TOMM40: variants seen among roughly 807,000 people sequenced by gnomAD.
TOMM40 encodes translocase of outer mitochondrial membrane 40.
TOMM40 carries 9 observed loss-of-function variants against 38.4 expected under a neutral mutation model. The ratio of observed to expected loss-of-function variants is 0.23; its 90% confidence interval spans 0.14 to 0.41. The LOEUF is 0.41. Among genes scored for constraint, TOMM40 ranks in the 10% least tolerant of loss-of-function variants. TOMM40 has a pLI of 1.00. For missense variants in TOMM40, 299 were observed against 486.5 expected (o/e 0.61, Z 3.63); for synonymous variants, 184 against 210.0 (o/e 0.88, Z 1.07).
intron 5 of TOMM40, among the ~76,000 whole-genome samples, chr19:44,898,525 C>CTTTTTTTTTTTTTTTTTTTT (rs71173106): frequency 2.2e-5 from 2 of 88,990 alleles, no homozygotes; most frequent in Admixed American, 1.4e-4. Flanking sequence ...TTTTTTTTTT[C>CTTTTTTTTTTTTTTTTTTTT]TTTTTTTTTT....
Position 44,893,767 on chromosome 19 carries a change from C to CT in TOMM40, c.436-12dup, listed in dbSNP as rs772523140. 1 of 1,610,762 alleles carries CT rather than the reference C, an allele frequency of 6.2e-7. No individual in the cohort carries two copies. ...CACCACCTCTGACCCCTTCCGTTCTCTCTGCCTCACAGGCGTTCCCTGTAC... is the reference window on the plus strand; with the variant it reads ...CACCACCTCTGACCCCTTCCGTTCTCTTCTGCCTCACAGGCGTTCCCTGTAC... On this transcript the variant is annotated splice_polypyrimidine_tract_variant and intron_variant, in intron 3 of 8. Transcript: ENST00000426677.
Position 44,903,421 on chromosome 19 carries a change from T to A in TOMM40, c.*252T>A. ...GGGGTCCCGGGAGGGATTCCGGAAT[T>A]GAGGGGCACGCAGGATTCTGAGCAC... On this transcript the variant is annotated 3_prime_UTR_variant, in exon 9 of 9. Coordinates refer to ENST00000426677, the MANE Select transcript of TOMM40 (RefSeq NM_001128917.2). The A allele has an allele frequency of 2.5e-6, 1 of 402,728 alleles. No individual in the cohort carries two copies. Among genetic ancestry groups the A allele is most frequent in the African/African-American group, 2.1e-5 (1 of 47,578 alleles). The allele number at this position is 402,728 out of a possible 1,614,324, so 24.9% of individuals were successfully genotyped here. A position where few individuals can be genotyped will look rare whatever the true frequency, so the allele number is the denominator to read the frequency against.
intron 5 of TOMM40, among the ~76,000 whole-genome samples, chr19:44,896,087 G>T (rs75687619): frequency 0.027 from 4,111 of 152,270 alleles, 59 homozygotes; most frequent in African/African-American, 0.042. Flanking sequence ...TCTTCACGGC[G>T]CCAGCAACCC....
At chr19:44,899,791 C>CTTTTTTTTTTTTT (rs10524523) in intron 5 of TOMM40, among the ~76,000 whole-genome samples, 10 of 90,984 alleles carry the variant, frequency 1.1e-4, no homozygotes, top group South Asian at 4.6e-4. Flanking sequence ...TTGCATCTGG[C>CTTTTTTTTTTTTT]TTTTTTTTTT....
intron 5 of TOMM40, among the ~76,000 whole-genome samples, chr19:44,898,200 C>T (rs1357459231): frequency 2.0e-5 from 3 of 152,214 alleles, no homozygotes; most frequent in Non-Finnish European, 4.4e-5. Flanking sequence ...GGCCCCTATT[C>T]CTGCAGCTCC....
chr19:44,900,708 C>T (rs1293318432), intron 5 of TOMM40, 22 bp from the exon 6 acceptor site: 4 of 1,611,982 alleles, frequency 2.5e-6, no homozygotes, highest in Non-Finnish European at 3.4e-6. Context: ...TGGGTGGAAA[C>T]TGATCGTCAT....
chr19:44,891,805 G>A lies in TOMM40; in HGVS notation c.274+116G>A, dbSNP rs1969472318. 1.2e-5 allele frequency: 13 copies of A among 1,127,638 alleles called. No individual in the cohort carries two copies. The East Asian group carries it at 4.1e-4, about 36-fold the overall frequency. 69.9% of individuals were successfully genotyped at this position (1,127,638 alleles called of 1,614,324 possible). ...CATTGGAATTATTTAACAGCACTAG[G>A]AGGTGATGTTGGGATCGAATGGTGG... is the stretch of plus-strand genomic sequence containing the variant. On this transcript the variant is annotated intron_variant, in intron 1 of 8. Transcript: ENST00000426677.
chr19:44,900,584 G>T, intron 5 of TOMM40, 146 bp from the exon 6 acceptor site: 2 of 1,475,716 alleles, frequency 1.4e-6, no homozygotes, highest in Non-Finnish European at 1.8e-6. Flanking sequence ...GAACCCCTGG[G>T]CGATGGGTTA....
At chr19:44,897,949 G>T (rs779779202) in intron 5 of TOMM40, among the ~76,000 whole-genome samples, 4 of 152,042 alleles carry the variant, frequency 2.6e-5, no homozygotes, top group African/African-American at 9.7e-5. Context: ...AACAACCAGT[G>T]GGGGGTTCGG....
chr19:44,892,544 C>T (rs959570805), intron 2 of TOMM40, 84 bp downstream of exon 2: 1 of 1,300,282 alleles, frequency 7.7e-7, no homozygotes. Flanking sequence ...CCAATTACTC[C>T]TCCCTCAAGA....
intron 8 of TOMM40, chr19:44,902,828 G>T (rs1018573700): frequency 3.3e-6 from 2 of 602,106 alleles, no homozygotes; most frequent in Non-Finnish European, 5.5e-6. Context: ...GAGGGCAGGG[G>T]TCACTGAGCG....
rs140609629 is a variant in TOMM40 at position 44,891,300 on chromosome 19, C to G, written c.-116C>G. 8.4e-7 allele frequency: 1 copy of G among 1,194,882 alleles called. No homozygotes were observed. The allele number at this position is 1,194,882 out of a possible 1,614,324, so 74.0% of individuals were successfully genotyped here. ...GTGGGAGCGGAGCCCAGGCCGGGAG[C>G]AGGCGCCGCCGCCAGTGAGAACCGG... On this transcript the variant is annotated 5_prime_UTR_variant, in exon 1 of 9. Transcript: ENST00000426677.
At chr19:44,895,985 C>T (rs1442846774) in intron 5 of TOMM40, among the ~76,000 whole-genome samples, 1 of 152,182 alleles carries the variant, frequency 6.6e-6, no homozygotes, top group Admixed American at 6.5e-5. Flanking sequence ...GCGCATGTCG[C>T]CCTCTGTCGT....
At chr19:44,901,590 A>AT in intron 8 of TOMM40, 1 of 697,684 alleles carries the variant, frequency 1.4e-6, no homozygotes, top group East Asian at 3.1e-5. Context: ...CAAAAACAAA[A>AT]TTAGCCGGGT....
rs1969662858 is a variant in TOMM40 at position 44,900,734 on chromosome 19, C to T, written c.648C>T (p.Ile216=). The T allele has an allele frequency of 1.9e-6, 3 of 1,612,268 alleles. No homozygotes were observed. The highest frequency in any genetic ancestry group is 2.5e-6 in the Non-Finnish European group (3 of 1,179,858). ...TGATCGTCATTTTGCCCACAGGAAT[C>T]CTCGTAGCCCACTACCTCCAGAGCA... is the stretch of plus-strand genomic sequence containing the variant. ...GNPDVLVGSG[I]LVAHYLQSIT... Residue 216 remains isoleucine (I), a synonymous_variant, in exon 6 of 9, where the codon ATC becomes ATT. Transcript: ENST00000426677.
intron 5 of TOMM40, 66 bp downstream of exon 5, chr19:44,894,132 C>G: frequency 1.6e-6 from 2 of 1,271,352 alleles, no homozygotes; most frequent in Non-Finnish European, 2.1e-6. Flanking sequence ...GCAAATCCAC[C>G]CCATTTGTGA....
intron 2 of TOMM40, 24 bp downstream of exon 2, chr19:44,892,484 C>T: frequency 6.2e-7 from 1 of 1,608,066 alleles, no homozygotes; most frequent in South Asian, 1.1e-5. Flanking sequence ...GTGTCCTTAC[C>T]CACCAGAGAT....
chr19:44,900,690 A>G, intron 5 of TOMM40, 40 bp from the exon 6 acceptor site: 1 of 1,611,582 alleles, frequency 6.2e-7, no homozygotes, highest in Non-Finnish European at 8.5e-7. Flanking sequence ...CTAGCCTGGC[A>G]CTCAGGGTGG....
intron 1 of TOMM40, 65 bp downstream of exon 1, chr19:44,891,754 T>C: frequency 7.4e-7 from 1 of 1,350,036 alleles, no homozygotes; most frequent in East Asian, 3.1e-5. Flanking sequence ...GGGAGGACAC[T>C]GGGGACTCTG....
Sources: gnomAD v4.1 joint callset for allele counts (sites outside exome capture counted in the v4.1 genomes callset) on GRCh38, gnomAD v4.1.1 for gene constraint, MANE v1.5 for transcripts, NCBI Gene and HGNC (gene_info 2026-07-23, HGNC 2026-07-21) for gene names.